Variants in TNRC6B observed in about 807,000 individuals in gnomAD.
The protein encoded by TNRC6B is trinucleotide repeat-containing gene 6B protein.
In TNRC6B, 52 loss-of-function variants were observed where a neutral mutation model predicts 203.6. The observed-to-expected ratio is 0.26, with a 90% CI of 0.20 to 0.32. The LOEUF (loss-of-function observed/expected upper bound fraction) is 0.32. TNRC6B is among the 10% of genes least tolerant of loss of function. The pLI, the probability that TNRC6B is intolerant of heterozygous loss-of-function variation, is 1.00. For synonymous variants in TNRC6B, 838 were observed against 845.7 expected (o/e 0.99, Z 0.16); for missense variants, 1,923 against 2,286.2 (o/e 0.84, Z 3.24).
intron 1 of TNRC6B, among the ~76,000 whole-genome samples, chr22:40,088,048 A>T (rs576293554): frequency 6.6e-6 from 1 of 152,350 alleles, no homozygotes; most frequent in Admixed American, 6.5e-5. Context: ...CTTGTACTTA[A>T]GAGTGAAAGA....
chr22:40,115,687 A>G (rs2068380964), intron 1 of TNRC6B, among the ~76,000 whole-genome samples: 4 of 152,178 alleles, frequency 2.6e-5, no homozygotes, highest in Admixed American at 2.6e-4. Context: ...ACTTTGTCCA[A>G]CCAGGGAGGA....
chr22:40,303,177 A>G (rs1282363795), intron 15 of TNRC6B, among the ~76,000 whole-genome samples: 3 of 151,064 alleles, frequency 2.0e-5, no homozygotes, highest in African/African-American at 4.9e-5. Context: ...TTACAGGCAC[A>G]TGCCACCACT....
chr22:40,281,385 T>C (rs1296393297), intron 11 of TNRC6B, 96 bp downstream of exon 11: 2 of 1,045,262 alleles, frequency 1.9e-6, no homozygotes, highest in Non-Finnish European at 2.6e-6. Context: ...TTGGGAAATT[T>C]GTTGATTACT....
chr22:40,110,370 G>A (rs1313002857), intron 1 of TNRC6B, among the ~76,000 whole-genome samples: 2 of 152,202 alleles, frequency 1.3e-5, no homozygotes, highest in African/African-American at 2.4e-5. Flanking sequence ...ACAGTGCCAT[G>A]TACTTAGTAA....
At chr22:40,262,316 G>A (rs1170974560) in intron 4 of TNRC6B, 143 bp downstream of exon 4, 8 of 739,984 alleles carry the variant, frequency 1.1e-5, no homozygotes, top group Admixed American at 3.7e-5. Flanking sequence ...ATCCTAGTAT[G>A]CGATGTGTAT....
intron 1 of TNRC6B, among the ~76,000 whole-genome samples, chr22:40,241,452 CT>C (rs1376788414): frequency 1.3e-5 from 2 of 152,258 alleles, no homozygotes; most frequent in Non-Finnish European, 2.9e-5. Flanking sequence ...ATTCCTCAAT[CT>C]TTCCTTGACT....
chr22:40,119,294 C>T (rs1334864906), intron 2 of TNRC6B, among the ~76,000 whole-genome samples: 2 of 152,208 alleles, frequency 1.3e-5, no homozygotes, highest in African/African-American at 2.4e-5. Flanking sequence ...AAATTAAACA[C>T]TTGTGTCGGT....
At chr22:40,065,683 T>C (rs566408003) in intron 1 of TNRC6B, among the ~76,000 whole-genome samples, 3 of 152,290 alleles carry the variant, frequency 2.0e-5, no homozygotes, top group East Asian at 3.9e-4. Flanking sequence ...TAAATATTAT[T>C]GAGCTTTGTT....
intron 12 of TNRC6B, among the ~76,000 whole-genome samples, chr22:40,287,389 A>G (rs2070801749): frequency 6.6e-6 from 1 of 152,186 alleles, no homozygotes; most frequent in Non-Finnish European, 1.5e-5. Context: ...TTCAAATTCT[A>G]GTTTTAATGT....
intron 3 of TNRC6B, chr22:40,156,105 G>A: frequency 6.4e-7 from 1 of 1,571,682 alleles, no homozygotes; most frequent in Non-Finnish European, 8.6e-7. Flanking sequence ...TGTGGTGCTT[G>A]CCTTTGCAGG....
intron 1 of TNRC6B, among the ~76,000 whole-genome samples, chr22:40,179,947 ATGT>A (rs1377160807): frequency 1.3e-5 from 2 of 152,168 alleles, no homozygotes; most frequent in Non-Finnish European, 1.5e-5. Context: ...TAAAAAATTA[ATGT>A]TGTTATGTTA....
At chr22:40,138,623 G>T (rs796712042) in intron 3 of TNRC6B, among the ~76,000 whole-genome samples, 6 of 152,256 alleles carry the variant, frequency 3.9e-5, no homozygotes, top group African/African-American at 1.4e-4. Context: ...CCTGCAGGCA[G>T]CCCAGGTAAA....
In TNRC6B at chr22:40,308,636, T is replaced by A; in HGVS notation, c.4245T>A (p.Asn1415Lys). 6.2e-7 allele frequency: 1 copy of A among 1,612,524 alleles called. No individual in the cohort carries two copies. The highest frequency in any genetic ancestry group is 1.1e-5 in the South Asian group (1 of 90,932). The change falls in exon 16 of 23, where the codon AAT becomes AAA. Residue 1415 changes from asparagine (N) to lysine (K), a missense_variant. By Grantham distance (94) the Asn-to-Lys change is moderately conservative. Coordinates refer to ENST00000454349, the MANE Select transcript of TNRC6B (RefSeq NM_001162501.2). ...GLPSVATQEA[N>K]MHKNGAIVAP... ...CCTCTGTAGCCACACAGGAAGCCAA[T>A]ATGCACAAAAATGGTAAGAGAAGCA... is the stretch of plus-strand genomic sequence containing the variant.
intron 1 of TNRC6B, among the ~76,000 whole-genome samples, chr22:40,099,330 C>G (rs1198751961): frequency 6.6e-6 from 1 of 151,902 alleles, no homozygotes; most frequent in African/African-American, 2.4e-5. Context: ...CAGTGACTAG[C>G]CAGTTATTAA....
intron 1 of TNRC6B, among the ~76,000 whole-genome samples, chr22:40,061,291 T>G (rs906709072): frequency 6.6e-6 from 1 of 152,192 alleles, no homozygotes; most frequent in African/African-American, 2.4e-5. Flanking sequence ...CTTGGCTCAC[T>G]GCAACCTCCG....
intron 1 of TNRC6B, among the ~76,000 whole-genome samples, chr22:40,077,496 A>G (rs2068026957): frequency 6.6e-6 from 1 of 152,152 alleles, no homozygotes; most frequent in Non-Finnish European, 1.5e-5. Context: ...TTTACCTTGC[A>G]TATCTTTTCT....
intron 9 of TNRC6B, 142 bp from the exon 10 acceptor site, chr22:40,279,853 T>C: frequency 1.6e-6 from 1 of 626,452 alleles, no homozygotes; most frequent in South Asian, 3.2e-5. Context: ...CCAATGAGAG[T>C]TTGTCTCGTC....
chr22:40,053,970 A>C (rs1238460456), intron 1 of TNRC6B, among the ~76,000 whole-genome samples: 1 of 152,174 alleles, frequency 6.6e-6, no homozygotes, highest in Non-Finnish European at 1.5e-5. Context: ...TAATCCCAGC[A>C]CTTTGGGAAG....
intron 4 of TNRC6B, among the ~76,000 whole-genome samples, chr22:40,160,063 G>C (rs1387531369): frequency 6.6e-6 from 1 of 152,132 alleles, no homozygotes. Flanking sequence ...CAGTCCTCCT[G>C]CCTCAGCCTT....
Sources: allele counts gnomAD v4.1 joint callset (sites outside exome capture counted in the v4.1 genomes callset), GRCh38; gene constraint gnomAD v4.1.1; transcripts MANE v1.5; gene names NCBI Gene and HGNC (gene_info 2026-07-23, HGNC 2026-07-21).